The following TOGARAM1 variants were observed in gnomAD, a reference collection of about 807,000 sequenced individuals.
The protein encoded by TOGARAM1 is TOG array regulator of axonemal microtubules protein 1.
In TOGARAM1, 100 loss-of-function variants were observed where a neutral mutation model predicts 166.6. That is an observed-to-expected ratio of 0.60 (90% CI 0.51 to 0.71). TOGARAM1 has a LOEUF of 0.71. TOGARAM1 is among the 30% of genes least tolerant of loss of function. The probability of loss-of-function intolerance (pLI) is 0.00; values close to 1 mark genes in which losing one functional copy is unlikely to be tolerated. For missense variants in TOGARAM1, 2,029 were observed against 2,102.7 expected, an observed-to-expected ratio of 0.96 and a Z score of 0.69; for synonymous variants, 758 against 763.8, an observed-to-expected ratio of 0.99 and a Z score of 0.13.
chr14:44,993,771 A>G (rs955227630), intron 1 of TOGARAM1, among the ~76,000 whole-genome samples: 1 of 152,192 alleles, frequency 6.6e-6, no homozygotes. Flanking sequence ...TGAAAATGCC[A>G]CATTCACATA....
At chr14:45,054,671 G>T in intron 16 of TOGARAM1, 122 bp downstream of exon 16, 1 of 659,258 alleles carries the variant, frequency 1.5e-6, no homozygotes, top group Non-Finnish European at 2.6e-6. Flanking sequence ...TTAAAAGTTT[G>T]CTTAGGATCC....
intron 6 of TOGARAM1, 91 bp downstream of exon 6, chr14:45,009,236 T>G (rs1879649094): frequency 6.4e-6 from 6 of 940,268 alleles, no homozygotes; most frequent in Non-Finnish European, 9.4e-6. Context: ...TTAAAACCAT[T>G]TATGTTTTAG....
At chr14:45,039,057 G>A (rs187135278) in intron 11 of TOGARAM1, among the ~76,000 whole-genome samples, 14 of 151,810 alleles carry the variant, frequency 9.2e-5, no homozygotes, top group Middle Eastern at 3.4e-3. Context: ...GAGGAGACCC[G>A]GAGTGGGTAG....
rs577981733 is a variant in TOGARAM1, at chr14:44,976,708, C to A, written c.2046+12241C>A. On this transcript the variant is annotated intron_variant, in intron 1 of 19. Transcript: ENST00000361462. ...TTTTAAACTTTTAGCTACCAGTCAT[C>A]ATGTGTATAGTCAATAAGACCAGCA... Among the ~76,000 whole-genome samples the A allele has an allele frequency of 1.9e-3, 282 of 152,196 alleles. 2 individuals carry two copies. The highest frequency in any genetic ancestry group is 6.4e-3 in the African/African-American group (265 of 41,530).
intron 1 of TOGARAM1, among the ~76,000 whole-genome samples, chr14:44,965,275 CAAT>C (rs1219663752): frequency 6.6e-6 from 1 of 152,106 alleles, no homozygotes; most frequent in African/African-American, 2.4e-5. Context: ...AGTAGTAATT[CAAT>C]AATATGTAAC....
At chr14:45,000,281 G>C (rs1045238621) in intron 3 of TOGARAM1, among the ~76,000 whole-genome samples, 1 of 152,154 alleles carries the variant, frequency 6.6e-6, no homozygotes, top group Non-Finnish European at 1.5e-5. Flanking sequence ...TTATAGGCAT[G>C]AGCCACTGTG....
chr14:44,989,855 C>T lies in TOGARAM1; in HGVS notation c.2047-5891C>T, dbSNP rs188534677. Reference sequence around the variant, plus strand: ...AAAGAAAAGAAGTTTAATTGACTCACAGTTTTGCATGGCTGGGGAGGCCTC... The same window carrying T: ...AAAGAAAAGAAGTTTAATTGACTCATAGTTTTGCATGGCTGGGGAGGCCTC... On this transcript the variant is annotated intron_variant, in intron 1 of 19. Coordinates refer to ENST00000361462, the MANE Select transcript of TOGARAM1 (RefSeq NM_001308120.2). Among the ~76,000 whole-genome samples the T allele has an allele frequency of 3.3e-4, 50 of 152,322 alleles. 1 individual carries two copies. The highest frequency in any genetic ancestry group is 7.8e-4 in the Admixed American group (12 of 15,308).
At chr14:44,974,122 T>A (rs1886052956) in intron 1 of TOGARAM1, among the ~76,000 whole-genome samples, 1 of 151,926 alleles carries the variant, frequency 6.6e-6, no homozygotes, top group African/African-American at 2.4e-5. Flanking sequence ...TTCTATATTC[T>A]CTTCCTAGTA....
At chr14:44,994,302 A>G (rs1033596153) in intron 1 of TOGARAM1, among the ~76,000 whole-genome samples, 24 of 152,020 alleles carry the variant, frequency 1.6e-4, no homozygotes, top group African/African-American at 3.1e-4. Context: ...TATTTTTACT[A>G]TGGATGGGGT....
Position 45,052,516 on chromosome 14 carries a change from A to C in TOGARAM1, c.4394A>C (p.Lys1465Thr), listed in dbSNP as rs1422305953. ...ATGCTTGAAAAGTATGTCCCATCTA[A>C]AGATTTGCCATATATTAAGGACTCT... is the stretch of plus-strand genomic sequence containing the variant. ...EKMLEKYVPS[K>T]DLPYIKDSVR... The change falls in exon 15 of 20, where the codon AAA becomes ACA. Residue 1465 changes from lysine (K) to threonine (T), a missense_variant. This residue lies in a region of TOGARAM1 where 576 missense variants were observed against 670.5 expected (regional missense o/e 0.86). Transcript: ENST00000361462. 4 of 1,612,624 alleles carry C rather than the reference A, an allele frequency of 2.5e-6. No homozygotes were observed. Among genetic ancestry groups the C allele is most frequent in the Non-Finnish European group, 3.4e-6 (4 of 1,179,356 alleles).
chr14:45,073,747 A>C lies in TOGARAM1; in HGVS notation c.*186A>C. On this transcript the variant is annotated 3_prime_UTR_variant, in exon 20 of 20. Transcript: ENST00000361462. ...CCTTACCACTTATATTCATCACATA[A>C]AAACCTAAAATATTCATGAATAATT... The C allele has an allele frequency of 2.1e-6, 1 of 472,704 alleles. No individual in the cohort carries two copies. The highest frequency in any genetic ancestry group is 3.7e-6 in the Non-Finnish European group (1 of 271,996). The allele number at this position is 472,704 out of a possible 1,614,324, so 29.3% of individuals were successfully genotyped here.
At chr14:44,994,932 C>G (rs1441422416) in intron 1 of TOGARAM1, among the ~76,000 whole-genome samples, 1 of 152,116 alleles carries the variant, frequency 6.6e-6, no homozygotes, top group Non-Finnish European at 1.5e-5. Context: ...TTGATTGTGT[C>G]TATGAGCTCC....
rs1171151399 is a variant in TOGARAM1, at chr14:44,963,012, A to G, written c.591A>G (p.Lys197=). 3 of 1,614,196 alleles carry G rather than the reference A, an allele frequency of 1.9e-6. No homozygotes were observed. Among genetic ancestry groups the G allele is most frequent in the Non-Finnish European group, 2.5e-6 (3 of 1,180,040 alleles). ...SLREENPALR[K]DALQILHICL... Reference sequence around the variant, plus strand: ...GGGAAGAGAATCCAGCCCTGCGGAAAGATGCGCTGCAGATCCTTCATATAT... The same window carrying G: ...GGGAAGAGAATCCAGCCCTGCGGAAGGATGCGCTGCAGATCCTTCATATAT... Residue 197 remains lysine (K), a synonymous_variant, in exon 1 of 20, where the codon AAA becomes AAG. Transcript: ENST00000361462.
intron 12 of TOGARAM1, 108 bp from the exon 13 acceptor site, chr14:45,044,527 C>A: frequency 1.4e-6 from 1 of 739,108 alleles, no homozygotes; most frequent in Non-Finnish European, 2.1e-6. Flanking sequence ...GTCGACAGAG[C>A]GAGACCCTAA....
chr14:44,967,494 T>C (rs1885623035), intron 1 of TOGARAM1, among the ~76,000 whole-genome samples: 1 of 152,218 alleles, frequency 6.6e-6, no homozygotes, highest in African/African-American at 2.4e-5. Flanking sequence ...TTTTCTTAAA[T>C]TAAGTCTTTT....
chr14:45,010,388 A>G (rs1372819094), intron 6 of TOGARAM1, among the ~76,000 whole-genome samples: 1 of 152,236 alleles, frequency 6.6e-6, no homozygotes, highest in African/African-American at 2.4e-5. Flanking sequence ...GAATGACAGC[A>G]TGGTCTGGTG....
chr14:45,066,637 G>A lies in TOGARAM1; in HGVS notation c.4619G>A (p.Ser1540Asn). 1.9e-6 allele frequency: 3 copies of A among 1,613,646 alleles called. No individual in the cohort carries two copies. Among genetic ancestry groups the A allele is most frequent in the Non-Finnish European group, 2.5e-6 (3 of 1,179,616 alleles). ...TCAGTCCCTCGTAATTCCTTAGAAA[G>A]TGCTGAGTACCTTAAACTCATAACT... is the stretch of plus-strand genomic sequence containing the variant. ...RKSVPRNSLE[S>N]AEYLKLITGL... Residue 1540 changes from serine (S) to asparagine (N), a missense_variant, in exon 17 of 20, where the codon AGT becomes AAT. By Grantham distance (46) the Ser-to-Asn change is conservative. This residue lies in a region of TOGARAM1 where 576 missense variants were observed against 670.5 expected (regional missense o/e 0.86). Coordinates refer to ENST00000361462, the MANE Select transcript of TOGARAM1 (RefSeq NM_001308120.2).
intron 1 of TOGARAM1, among the ~76,000 whole-genome samples, chr14:44,973,475 A>G (rs960543067): frequency 2.6e-5 from 4 of 152,000 alleles, no homozygotes; most frequent in Middle Eastern, 3.4e-3. Context: ...ATAATCAAAT[A>G]CATTGTTGCT....
At chr14:44,964,951 T>TAAAAAAAAAAAAAAAAAA (rs35780816) in intron 1 of TOGARAM1, among the ~76,000 whole-genome samples, 3 of 85,906 alleles carry the variant, frequency 3.5e-5, no homozygotes, top group Non-Finnish European at 6.5e-5. Flanking sequence ...ACTAGAAAAG[T>TAAAAAAAAAAAAAAAAAA]AAAAAAAAAA....
Sources: allele counts gnomAD v4.1 joint callset (sites outside exome capture counted in the v4.1 genomes callset), GRCh38; gene constraint gnomAD v4.1.1; regional missense constraint gnomAD v4.1.1; transcripts MANE v1.5; gene names NCBI Gene and HGNC (gene_info 2026-07-23, HGNC 2026-07-21).